The following ARHGEF28 variants were observed in gnomAD, a reference collection of about 807,000 sequenced individuals.
ARHGEF28 encodes 190 kDa guanine nucleotide exchange factor.
A neutral mutation model predicts 206.6 loss-of-function variants in ARHGEF28; 152 were observed. That is an observed-to-expected ratio of 0.74 (90% confidence interval 0.64 to 0.84). The LOEUF (loss-of-function observed/expected upper bound fraction) is 0.84. Among genes scored for constraint, ARHGEF28 ranks in the 40% least tolerant of loss-of-function variants. The pLI, the probability that ARHGEF28 is intolerant of heterozygous loss-of-function variation, is 0.00. For synonymous variants in ARHGEF28, 763 were observed against 776.4 expected, an observed-to-expected ratio of 0.98 and a Z score of 0.29; for missense variants, 2,028 against 2,073.2, an observed-to-expected ratio of 0.98 and a Z score of 0.42.
At chr5:73,797,407 T>G (rs1754885237) in intron 9 of ARHGEF28, among the ~76,000 whole-genome samples, 1 of 152,172 alleles carries the variant, frequency 6.6e-6, no homozygotes, top group Middle Eastern at 3.2e-3. Context: ...TATCTGTTAT[T>G]TTTTATTTTT....
intron 2 of ARHGEF28, among the ~76,000 whole-genome samples, chr5:73,740,176 C>CAA (rs550677123): frequency 2.2e-4 from 19 of 85,990 alleles, no homozygotes; most frequent in African/African-American, 7.8e-4. Flanking sequence ...GAACCTATCT[C>CAA]AAAAAAAAAA....
intron 33 of ARHGEF28, chr5:73,904,757 C>A (rs944310491): frequency 3.9e-6 from 1 of 254,388 alleles, no homozygotes; most frequent in African/African-American, 2.2e-5. Context: ...TCTTTGACTT[C>A]TCCATGTGGC....
At chr5:73,755,861 C>A (rs56028734) in intron 4 of ARHGEF28, among the ~76,000 whole-genome samples, 18,359 of 152,192 alleles carry the variant, frequency 0.12, 2,551 homozygotes, top group African/African-American at 0.34. Context: ...TTGATTTATC[C>A]ATATTTTTAT....
At chr5:73,698,210 G>A (rs1748339185) in intron 2 of ARHGEF28, among the ~76,000 whole-genome samples, 1 of 152,156 alleles carries the variant, frequency 6.6e-6, no homozygotes, top group South Asian at 2.1e-4. Context: ...AGGAAGGAGA[G>A]TGTGTCCGAG....
At chr5:73,940,441 G>A (rs1742532595) in intron 35 of ARHGEF28, among the ~76,000 whole-genome samples, 1 of 152,144 alleles carries the variant, frequency 6.6e-6, no homozygotes, top group Non-Finnish European at 1.5e-5. Flanking sequence ...TTTGAGCCTT[G>A]AAGTCAATTC....
At chr5:73,813,702 A>G (rs1435637860) in intron 9 of ARHGEF28, 2 of 1,526,278 alleles carry the variant, frequency 1.3e-6, no homozygotes, top group Non-Finnish European at 1.8e-6. Flanking sequence ...TCTTTCCTTC[A>G]CGGGCAAAAC....
At chr5:73,759,026 G>A (rs1337040901) in intron 4 of ARHGEF28, among the ~76,000 whole-genome samples, 1 of 152,200 alleles carries the variant, frequency 6.6e-6, no homozygotes, top group Non-Finnish European at 1.5e-5. Context: ...CTATAGGAAT[G>A]TTTTGGACTT....
Position 73,802,870 on chromosome 5 carries a change from CTGTGTGTG to C in ARHGEF28, c.1024+7523_1024+7530del, listed in dbSNP as rs561505395. ...GATAATTGGCCAGCAAGCTCGATTG[CTGTGTGTG>C]TGTGTGTGTGTGTGTGTGTGTGTGT... On this transcript the variant is annotated intron_variant, in intron 9 of 35. Transcript: ENST00000513042. Among the ~76,000 whole-genome samples, 869 of 122,222 alleles carry C rather than the reference CTGTGTGTG, an allele frequency of 7.1e-3. 5 individuals are homozygous for C. The highest frequency in any genetic ancestry group is 0.014 in the African/African-American group (455 of 31,512). 80.2% of individuals were successfully genotyped at this position (122,222 alleles called of 152,430 possible). A position where few individuals can be genotyped will look rare whatever the true frequency, so the allele number is the denominator to read the frequency against.
chr5:73,885,726 T>C (rs1382226277), intron 24 of ARHGEF28, 124 bp from the exon 25 acceptor site: 9 of 1,073,072 alleles, frequency 8.4e-6, no homozygotes, highest in South Asian at 2.1e-5. Context: ...ATTTTTCTTA[T>C]GGGATTTTTA....
intron 20 of ARHGEF28, among the ~76,000 whole-genome samples, chr5:73,869,222 T>TGGGGGGGGG (rs67692648): frequency 3.0e-5 from 3 of 99,108 alleles, no homozygotes; most frequent in Admixed American, 1.1e-4. Flanking sequence ...GTGTGTGGGG[T>TGGGGGGGGG]GGAGGGGGGT....
chr5:73,846,597 A>C, intron 12 of ARHGEF28, 122 bp downstream of exon 12: 1 of 843,874 alleles, frequency 1.2e-6, no homozygotes, highest in Non-Finnish European at 1.8e-6. Flanking sequence ...TTTTTTTGAG[A>C]CCCATGTGAT....
intron 2 of ARHGEF28, among the ~76,000 whole-genome samples, chr5:73,731,214 A>C (rs1190857983): frequency 2.0e-5 from 3 of 152,144 alleles, no homozygotes; most frequent in Non-Finnish European, 4.4e-5. Context: ...TATGTGGTCA[A>C]AAGGTTTGGA....
In ARHGEF28 at chr5:73,911,524, G is replaced by A. The variant is rs373074230; in HGVS notation, c.4897G>A (p.Gly1633Ser). ...SHKLWTAAGS[G>S]HQILPFHESS... ...CAAACTGTGGACAGCCGCTGGTTCCGGCCATCAGATACTTCCTTTCCATGA... is the reference window on the plus strand; with the variant it reads ...CAAACTGTGGACAGCCGCTGGTTCCAGCCATCAGATACTTCCTTTCCATGA... Residue 1633 changes from glycine to serine, a missense_variant, in exon 35 of 36, where the codon GGC becomes AGC. By Grantham distance (56) the Gly-to-Ser change is moderately conservative (BLOSUM62 0). This residue lies in a region of ARHGEF28 where 803 missense variants were observed against 768.0 expected (regional missense o/e 1.05). Coordinates refer to ENST00000513042, the MANE Select transcript of ARHGEF28 (RefSeq NM_001177693.2). 43 of 1,612,556 alleles carry A rather than the reference G, an allele frequency of 2.7e-5. No individual in the cohort carries two copies. Among genetic ancestry groups the A allele is most frequent in the Non-Finnish European group, 3.5e-5 (41 of 1,179,298 alleles).
chr5:73,902,285 G>T (rs1437917961), intron 31 of ARHGEF28: 4 of 152,064 alleles, frequency 2.6e-5, no homozygotes, highest in Non-Finnish European at 4.4e-5. Context: ...CTAATGTATT[G>T]CTTCTTAAAA....
At chr5:73,706,908 A>G (rs895073917) in intron 2 of ARHGEF28, among the ~76,000 whole-genome samples, 2 of 152,154 alleles carry the variant, frequency 1.3e-5, no homozygotes, top group Admixed American at 1.3e-4. Context: ...ATAATGTATG[A>G]CTTGAGTCCT....
intron 12 of ARHGEF28, among the ~76,000 whole-genome samples, chr5:73,848,346 G>A (rs1306543748): frequency 6.6e-6 from 1 of 152,128 alleles, no homozygotes; most frequent in Non-Finnish European, 1.5e-5. Flanking sequence ...TTTTAAAGTA[G>A]TAATATTAAG....
In ARHGEF28 at chr5:73,938,160, C is replaced by CCACACACACACACACA. The variant is rs199804024; in HGVS notation, c.4949-2659_4949-2644dup. 5.1e-3 allele frequency among the ~76,000 whole-genome samples: 709 copies of CCACACACACACACACA among 139,624 alleles called. 6 individuals carry two copies. Among genetic ancestry groups the CCACACACACACACACA allele is most frequent in the Non-Finnish European group, 6.2e-3 (402 of 64,370 alleles). The allele number at this position is 139,624 out of a possible 152,430, so 91.6% of individuals were successfully genotyped here. A position where few individuals can be genotyped will look rare whatever the true frequency, so the allele number is the denominator to read the frequency against. ...GTTCTGATTAAACTTCTACACTACA[C>CCACACACACACACACA]CACACACACACACACACACACACAC... On this transcript the variant is annotated intron_variant, in intron 35 of 35. Coordinates refer to ENST00000513042, the MANE Select transcript of ARHGEF28 (RefSeq NM_001177693.2).
chr5:73,914,391 CTT>C (rs571265796), intron 35 of ARHGEF28, among the ~76,000 whole-genome samples: 22 of 102,922 alleles, frequency 2.1e-4, no homozygotes, highest in Admixed American at 7.6e-4. Flanking sequence ...TTCTGAATTG[CTT>C]TTTTTTTTTT....
chr5:73,697,910 G>T (rs1185636840), intron 2 of ARHGEF28, among the ~76,000 whole-genome samples: 1 of 152,174 alleles, frequency 6.6e-6, no homozygotes, highest in African/African-American at 2.4e-5. Flanking sequence ...ATGTGCATTT[G>T]TATGTGCATT....
Sources: allele counts gnomAD v4.1 joint callset (sites outside exome capture counted in the v4.1 genomes callset), GRCh38; gene constraint gnomAD v4.1.1; regional missense constraint gnomAD v4.1.1; transcripts MANE v1.5; gene names NCBI Gene and HGNC (gene_info 2026-07-23, HGNC 2026-07-21).